Variants in THSD7A observed in about 807,000 individuals in gnomAD.
THSD7A encodes the protein thrombospondin type 1 domain containing 7A.
In THSD7A, 96 loss-of-function variants were observed where a neutral mutation model predicts 231.3. The ratio of observed to expected loss-of-function variants is 0.41; its 90% CI spans 0.35 to 0.49. The LOEUF (loss-of-function observed/expected upper bound fraction) is 0.49, where lower values mean the gene tolerates loss of function less well. THSD7A is among the 20% of genes least tolerant of loss of function. The probability of loss-of-function intolerance (pLI) is 0.05; values close to 1 mark genes in which losing one functional copy is unlikely to be tolerated. For synonymous variants in THSD7A, 940 were observed against 743.3 expected, an observed-to-expected ratio of 1.26 and a Z score of -4.30; for missense variants, 2,290 against 2,070.2, an observed-to-expected ratio of 1.11 and a Z score of -2.06.
At position 11,474,859 on chromosome 7, in the gene THSD7A, G is replaced by A. The variant is rs1287539975; in HGVS notation, c.2018-291C>T. The stretch of plus-strand genomic sequence containing the variant: ...ATAGAATGAAATAATTATATTGTGC[G>A]GTATTTAGTATAACTGGGATTCAAG... On this transcript the variant is annotated intron_variant, in intron 7 of 27. Coordinates refer to ENST00000423059, the MANE Select transcript of THSD7A (RefSeq NM_015204.3). This position sits in a 1 kb window ranked among gnomAD's most constrained non-coding sequence, Gnocchi z 4.1. 1.3e-5 allele frequency among the ~76,000 whole-genome samples: 2 copies of A among 152,056 alleles called. No homozygotes were observed. The highest frequency in any genetic ancestry group is 4.8e-5 in the African/African-American group (2 of 41,406).
intron 6 of THSD7A, among the ~76,000 whole-genome samples, chr7:11,492,362 A>G (rs1489142960): frequency 6.6e-6 from 1 of 152,072 alleles, no homozygotes; most frequent in Non-Finnish European, 1.5e-5. Context: ...AAGAAAGTAT[A>G]GTTATACCAC....
At position 11,608,181 on chromosome 7, in the gene THSD7A, C is replaced by T. The variant is rs1236262158; in HGVS notation, c.1023-14679G>A. Among the ~76,000 whole-genome samples the T allele has an allele frequency of 2.6e-5, 4 of 152,240 alleles. No homozygotes were observed. The East Asian group carries it at 7.7e-4, about 29-fold the overall frequency. ...GACTGAGTAAATACTACCTACCACA[C>T]TTCAAAAATGATGCTAAGTGGCATG... is the stretch of plus-strand genomic sequence containing the variant. On this transcript the variant is annotated intron_variant, in intron 2 of 27. Coordinates refer to ENST00000423059, the MANE Select transcript of THSD7A (RefSeq NM_015204.3).
intron 2 of THSD7A, among the ~76,000 whole-genome samples, chr7:11,615,101 A>G (rs556154808): frequency 1.3e-5 from 2 of 152,310 alleles, no homozygotes; most frequent in East Asian, 3.9e-4. Context: ...CAGGCTGGAA[A>G]GATGCAGACT....
At chr7:11,817,573 G>A (rs1297380764) in intron 1 of THSD7A, among the ~76,000 whole-genome samples, 1 of 152,160 alleles carries the variant, frequency 6.6e-6, no homozygotes, top group Non-Finnish European at 1.5e-5. Context: ...AGTAAAAAAG[G>A]AAAGGACACA....
At chr7:11,750,374 C>T (rs1782457983) in intron 1 of THSD7A, among the ~76,000 whole-genome samples, 1 of 151,848 alleles carries the variant, frequency 6.6e-6, no homozygotes, top group South Asian at 2.1e-4. Context: ...ATAGTTGTCA[C>T]TGCTATTAGT....
At chr7:11,407,565 A>C (rs1783628922) in intron 19 of THSD7A, 142 bp from the exon 20 acceptor site, 2 of 645,314 alleles carry the variant, frequency 3.1e-6, no homozygotes, top group East Asian at 5.5e-5. Context: ...ACAAACATCC[A>C]AACTATTGAA....
intron 17 of THSD7A, among the ~76,000 whole-genome samples, chr7:11,415,382 C>G (rs1216062075): frequency 6.6e-6 from 1 of 152,174 alleles, no homozygotes; most frequent in Non-Finnish European, 1.5e-5. Flanking sequence ...TGGCCTCCCA[C>G]AAACAAGGAC....
chr7:11,728,357 C>G (rs1417136197), intron 1 of THSD7A, among the ~76,000 whole-genome samples: 1 of 151,814 alleles, frequency 6.6e-6, no homozygotes, highest in African/African-American at 2.4e-5. Context: ...TGGAGTTTTC[C>G]TATACATTGA....
intron 1 of THSD7A, among the ~76,000 whole-genome samples, chr7:11,822,245 T>C (rs533675999): frequency 1.4e-4 from 21 of 152,274 alleles, no homozygotes; most frequent in African/African-American, 5.1e-4. Flanking sequence ...TTCCATTCTC[T>C]ACATCTATGT....
At chr7:11,567,024 A>T (rs62434500) in intron 4 of THSD7A, among the ~76,000 whole-genome samples, 17 of 137,588 alleles carry the variant, frequency 1.2e-4, no homozygotes, top group African/African-American at 3.9e-4. Context: ...ATCTCTAAGG[A>T]CCAGCTCTAG....
intron 1 of THSD7A, among the ~76,000 whole-genome samples, chr7:11,713,582 C>T (rs116695561): frequency 0.018 from 2,704 of 151,166 alleles, 42 homozygotes; most frequent in African/African-American, 0.039. Context: ...AACTTTATTG[C>T]GTATATCAGG....
Position 11,755,137 on chromosome 7 carries a change from C to T in THSD7A, c.190+76620G>A, listed in dbSNP as rs139649405. On this transcript the variant is annotated intron_variant, in intron 1 of 27. Coordinates refer to ENST00000423059, the MANE Select transcript of THSD7A (RefSeq NM_015204.3). ...GGCAGTGCTACTGGTCTCTAGGGGG[C>T]GGAGGATTGAGGGCTGCTTCTGAAA... Among the ~76,000 whole-genome samples, 649 of 151,968 alleles carry T rather than the reference C, an allele frequency of 4.3e-3. 3 individuals are homozygous for T. The highest frequency in any genetic ancestry group is 6.5e-3 in the Non-Finnish European group (444 of 67,956).
chr7:11,816,902 G>A (rs1293162173), intron 1 of THSD7A, among the ~76,000 whole-genome samples: 1 of 152,070 alleles, frequency 6.6e-6, no homozygotes, highest in African/African-American at 2.4e-5. Context: ...GTATATATAT[G>A]CATGCATCTA....
intron 9 of THSD7A, among the ~76,000 whole-genome samples, chr7:11,463,986 A>G (rs1286762658): frequency 6.6e-6 from 1 of 152,174 alleles, no homozygotes; most frequent in African/African-American, 2.4e-5. Context: ...TTTGGTCACC[A>G]GAATCTCAGA....
At chr7:11,782,330 G>C (rs1052509752) in intron 1 of THSD7A, among the ~76,000 whole-genome samples, 2 of 152,036 alleles carry the variant, frequency 1.3e-5, no homozygotes, top group Non-Finnish European at 2.9e-5. Flanking sequence ...AGGAATCAAT[G>C]GGAAATAATA....
intron 6 of THSD7A, among the ~76,000 whole-genome samples, chr7:11,496,117 C>T (rs551683856): frequency 6.6e-6 from 1 of 152,220 alleles, no homozygotes; most frequent in African/African-American, 2.4e-5. Context: ...AAAATTATAA[C>T]ATGGAACTAA....
At position 11,447,272 on chromosome 7, in the gene THSD7A, C is replaced by T; in HGVS notation, c.2758G>A (p.Gly920Arg). ...CTGGTCCTAACTGCACCACAGTCTC[C>T]ATTGCATGAAGAAAACTTGGACCAG... ...TSWSKFSSCN[G>R]DCGAVRTRKR... is the part of the protein sequence containing the mutation. The change falls in exon 12 of 28, where the codon GGA becomes AGA. Residue 920 changes from glycine to arginine, a missense_variant. Physicochemically the swap from Gly to Arg is moderately radical, Grantham distance 125. Transcript: ENST00000423059. The T allele has an allele frequency of 1.2e-6, 2 of 1,613,078 alleles. No individual in the cohort carries two copies. The highest frequency in any genetic ancestry group is 1.7e-6 in the Non-Finnish European group (2 of 1,179,444).
intron 4 of THSD7A, among the ~76,000 whole-genome samples, chr7:11,553,648 C>A (rs1316166769): frequency 6.6e-6 from 1 of 151,920 alleles, no homozygotes; most frequent in African/African-American, 2.4e-5. Context: ...TTTTATTGTT[C>A]TTAATTTAAA....
intron 16 of THSD7A, among the ~76,000 whole-genome samples, chr7:11,418,776 T>A (rs572823125): frequency 6.6e-6 from 1 of 152,186 alleles, no homozygotes; most frequent in East Asian, 1.9e-4. Flanking sequence ...CATGTCTTAA[T>A]GAGCCTGTAG....
Sources: allele counts gnomAD v4.1 joint callset (sites outside exome capture counted in the v4.1 genomes callset), GRCh38; gene constraint gnomAD v4.1.1; non-coding constraint Gnocchi (gnomAD v3.1); transcripts MANE v1.5; gene names NCBI Gene and HGNC (gene_info 2026-07-23, HGNC 2026-07-21).